The following LUZP2 variants were observed in gnomAD, a reference collection of about 807,000 sequenced individuals.
LUZP2 encodes leucine zipper protein 2.
A neutral mutation model predicts 51.6 loss-of-function variants in LUZP2; 52 were observed. The ratio of observed to expected loss-of-function variants is 1.01; its 90% CI spans 0.81 to 1.27. The LOEUF (loss-of-function observed/expected upper bound fraction) is 1.27, where lower values mean the gene tolerates loss of function less well. LUZP2 is among the 50% of genes most tolerant of loss of function. LUZP2 has a pLI of 0.00. For synonymous variants in LUZP2, 154 were observed against 137.3 expected (o/e 1.12, Z -0.85); for missense variants, 436 against 395.4 (o/e 1.10, Z -0.87).
chr11:24,626,919 T>A (rs1854704342), intron 1 of LUZP2, among the ~76,000 whole-genome samples: 1 of 152,226 alleles, frequency 6.6e-6, no homozygotes, highest in Non-Finnish European at 1.5e-5. Flanking sequence ...TGCTACTCCA[T>A]GTGACATTTG....
intron 1 of LUZP2, among the ~76,000 whole-genome samples, chr11:24,724,137 G>GCAA: frequency 6.6e-6 from 1 of 152,246 alleles, no homozygotes; most frequent in East Asian, 1.9e-4. Context: ...CTTCAAGTGT[G>GCAA]TCCTTGGGAT....
chr11:25,048,825 T>A (rs1264140394), intron 9 of LUZP2, among the ~76,000 whole-genome samples: 8 of 151,346 alleles, frequency 5.3e-5, no homozygotes, highest in East Asian at 1.9e-4. Flanking sequence ...TATTTATTTA[T>A]TTAATTAATT....
chr11:24,733,867 T>G (rs1858826005), intron 3 of LUZP2, among the ~76,000 whole-genome samples: 1 of 151,660 alleles, frequency 6.6e-6, no homozygotes, highest in Admixed American at 6.6e-5. Context: ...AAAAATTGAT[T>G]TCTGCACAAT....
intron 1 of LUZP2, among the ~76,000 whole-genome samples, chr11:24,505,392 T>C (rs554776192): frequency 1.4e-4 from 22 of 152,290 alleles, no homozygotes; most frequent in African/African-American, 4.1e-4. Context: ...GCCTTCCTTG[T>C]TATATGAATT....
At chr11:24,996,972 T>A (rs893974783) in intron 9 of LUZP2, among the ~76,000 whole-genome samples, 13 of 150,990 alleles carry the variant, frequency 8.6e-5, no homozygotes, top group African/African-American at 2.7e-4. Flanking sequence ...GGCTGCATAG[T>A]ATTCCATGGT....
At chr11:24,959,787 T>G (rs1330176640) in intron 7 of LUZP2, among the ~76,000 whole-genome samples, 2 of 152,156 alleles carry the variant, frequency 1.3e-5, no homozygotes, top group Non-Finnish European at 2.9e-5. Flanking sequence ...TCCAATACTA[T>G]GTTGAATAGG....
chr11:24,786,659 A>AATATATAAATATGTATATTGTGTATTT (rs1849255873), intron 5 of LUZP2: 1 of 16,332 alleles, frequency 6.1e-5, no homozygotes, highest in Non-Finnish European at 1.2e-4. Context: ...ATAGGTATAT[A>AATATATAAATATGTATATTGTGTATTT]ATATATAAAT....
At chr11:25,016,171 C>T (rs1019976965) in intron 9 of LUZP2, among the ~76,000 whole-genome samples, 4 of 152,042 alleles carry the variant, frequency 2.6e-5, no homozygotes, top group African/African-American at 4.8e-5. Context: ...CCGCCCACTT[C>T]GGCCTCCAAA....
chr11:24,587,212 G>A (rs1186726339), intron 1 of LUZP2, among the ~76,000 whole-genome samples: 3 of 152,036 alleles, frequency 2.0e-5, no homozygotes, highest in Non-Finnish European at 2.9e-5. Flanking sequence ...TAGCTTTGTC[G>A]TTAACAGTAT....
chr11:24,729,496 TG>T (rs1858630583), intron 2 of LUZP2, among the ~76,000 whole-genome samples: 1 of 151,942 alleles, frequency 6.6e-6, no homozygotes, highest in South Asian at 2.1e-4. Flanking sequence ...ATGGGAAAAT[TG>T]TGTTCTTGGC....
intron 8 of LUZP2, among the ~76,000 whole-genome samples, chr11:24,977,049 C>T (rs1216491131): frequency 2.0e-5 from 3 of 151,660 alleles, no homozygotes; most frequent in Non-Finnish European, 4.4e-5. Flanking sequence ...ATTGTTATAA[C>T]CAGTTTTTGA....
intron 1 of LUZP2, among the ~76,000 whole-genome samples, chr11:24,508,750 GA>G (rs1405297484): frequency 1.3e-5 from 2 of 152,082 alleles, no homozygotes; most frequent in Non-Finnish European, 2.9e-5. Flanking sequence ...CTATGTGTAA[GA>G]ACAGTACTAC....
At chr11:24,980,565 T>C (rs1856000188) in intron 8 of LUZP2, among the ~76,000 whole-genome samples, 1 of 151,652 alleles carries the variant, frequency 6.6e-6, no homozygotes, top group South Asian at 2.1e-4. Flanking sequence ...TAGAAACTGA[T>C]GATGCCACAG....
chr11:24,969,903 C>A (rs1855695879), intron 7 of LUZP2, among the ~76,000 whole-genome samples: 1 of 152,086 alleles, frequency 6.6e-6, no homozygotes, highest in African/African-American at 2.4e-5. Flanking sequence ...GGTGGGAACA[C>A]ACACATGCGC....
At chr11:24,544,269 T>A (rs1851472548) in intron 1 of LUZP2, among the ~76,000 whole-genome samples, 1 of 152,064 alleles carries the variant, frequency 6.6e-6, no homozygotes, top group Non-Finnish European at 1.5e-5. Flanking sequence ...AGTGGTAGGC[T>A]AACATTCTAA....
chr11:24,587,776 C>G (rs1401487442), intron 1 of LUZP2, among the ~76,000 whole-genome samples: 1 of 151,774 alleles, frequency 6.6e-6, no homozygotes, highest in Non-Finnish European at 1.5e-5. Flanking sequence ...TCAGTCTAGA[C>G]AGTTTTTTTT....
intron 1 of LUZP2, among the ~76,000 whole-genome samples, chr11:24,631,245 G>C (rs1854878575): frequency 6.6e-6 from 1 of 151,834 alleles, no homozygotes; most frequent in Non-Finnish European, 1.5e-5. Flanking sequence ...AGTGGTGAAA[G>C]TGGGCATTGT....
rs1859475504 is a variant in LUZP2, at chr11:25,082,226, G to T, written c.*3568G>T. On this transcript the variant is annotated 3_prime_UTR_variant, in exon 12 of 12. Transcript: ENST00000336930. ...ATAGTGCTGTTTCAGATACAGATCTGTTTCATCAAATATCCTCAATTACAA... is the reference window on the plus strand; with the variant it reads ...ATAGTGCTGTTTCAGATACAGATCTTTTTCATCAAATATCCTCAATTACAA... 1.3e-5 allele frequency: 2 copies of T among 152,464 alleles called. No individual in the cohort carries two copies. The highest frequency in any genetic ancestry group is 2.9e-5 in the Non-Finnish European group (2 of 67,986). The allele number at this position is 152,464 out of a possible 1,614,324, so 9.4% of individuals were successfully genotyped here.
intron 1 of LUZP2, among the ~76,000 whole-genome samples, chr11:24,728,882 G>A (rs1858596058): frequency 6.6e-6 from 1 of 151,982 alleles, no homozygotes; most frequent in Non-Finnish European, 1.5e-5. Flanking sequence ...AATCATGGAA[G>A]AAGACGAAAG....
Sources: gnomAD v4.1 joint callset for allele counts (sites outside exome capture counted in the v4.1 genomes callset) on GRCh38, gnomAD v4.1.1 for gene constraint, MANE v1.5 for transcripts, NCBI Gene and HGNC (gene_info 2026-07-23, HGNC 2026-07-21) for gene names.